Variants in RELL1 observed in about 807,000 individuals in gnomAD.
The protein encoded by RELL1 is RELT like 1.
RELL1 carries 10 observed loss-of-function variants against 23.0 expected under a neutral mutation model. The ratio of observed to expected loss-of-function variants is 0.43; its 90% CI spans 0.27 to 0.74. The LOEUF is 0.74. Ranked by LOEUF, RELL1 falls within the 30% of genes least tolerant of loss-of-function variation. RELL1 has a pLI of 0.19. For synonymous variants in RELL1, 146 were observed against 146.8 expected (o/e 0.99, Z 0.04); for missense variants, 315 against 364.4 (o/e 0.86, Z 1.10).
intron 6 of RELL1, among the ~76,000 whole-genome samples, chr4:37,604,812 C>G (rs201425983): frequency 2.9e-4 from 15 of 52,010 alleles, no homozygotes; most frequent in Middle Eastern, 0.012. Context: ...CACACACAGA[C>G]ACACACACAG....
At chr4:37,642,119 A>G (rs1352461086) in intron 3 of RELL1, among the ~76,000 whole-genome samples, 1 of 152,194 alleles carries the variant, frequency 6.6e-6, no homozygotes, top group Non-Finnish European at 1.5e-5. Context: ...ATAATGGTTC[A>G]TGGCATGTTG....
chr4:37,601,008 G>T (rs981326716), intron 6 of RELL1, among the ~76,000 whole-genome samples: 35 of 152,132 alleles, frequency 2.3e-4, no homozygotes, highest in Admixed American at 2.6e-4. Flanking sequence ...TGTCATAAAA[G>T]GGTTAAGATA....
Position 37,621,194 on chromosome 4 carries a change from C to T in RELL1, c.*4-7852G>A, listed in dbSNP as rs183585574. Among the ~76,000 whole-genome samples the T allele has an allele frequency of 2.9e-3, 440 of 152,334 alleles. 2 individuals carry two copies. Among genetic ancestry groups the T allele is most frequent in the Non-Finnish European group, 5.6e-3 (382 of 68,038 alleles). On this transcript the variant is annotated intron_variant, in intron 6 of 6. Coordinates refer to ENST00000454158, the MANE Select transcript of RELL1 (RefSeq NM_001085400.2). ...AAAATCGGCCAGGCGCGGTGGCTTACGCCTGTAATCCCAGCACTTTCGGAG... is the reference window on the plus strand; with the variant it reads ...AAAATCGGCCAGGCGCGGTGGCTTATGCCTGTAATCCCAGCACTTTCGGAG...
chr4:37,649,582 T>A (rs915831635), intron 1 of RELL1, 82 bp from the exon 2 acceptor site: 84 of 1,285,380 alleles, frequency 6.5e-5, no homozygotes, highest in Admixed American at 2.1e-4. Flanking sequence ...ATGTTCACAG[T>A]AAGTCAGGGT....
intron 3 of RELL1, among the ~76,000 whole-genome samples, chr4:37,643,804 T>A (rs2109275600): frequency 6.6e-6 from 1 of 152,270 alleles, no homozygotes; most frequent in Middle Eastern, 3.4e-3. Context: ...TGGTAAGAGA[T>A]CAAGGCTGCA....
At chr4:37,644,809 A>G (rs187365185) in intron 3 of RELL1, among the ~76,000 whole-genome samples, 135 of 152,066 alleles carry the variant, frequency 8.9e-4, no homozygotes, top group Non-Finnish European at 1.4e-3. Flanking sequence ...TCTACAAACT[A>G]CCCCAGCTAT....
At chr4:37,641,778 C>T (rs1284218609) in intron 3 of RELL1, among the ~76,000 whole-genome samples, 1 of 152,168 alleles carries the variant, frequency 6.6e-6, no homozygotes, top group Non-Finnish European at 1.5e-5. Context: ...TTCCTCACAC[C>T]TAAGGCAAAT....
At chr4:37,633,408 CAA>C (rs57256942) in intron 5 of RELL1, among the ~76,000 whole-genome samples, 3 of 63,016 alleles carry the variant, frequency 4.8e-5, no homozygotes, top group African/African-American at 4.4e-5. Context: ...GACTCCACCT[CAA>C]AAAAAAAAAA....
chr4:37,604,890 C>CACACACACACAG (rs1560323941), intron 6 of RELL1, among the ~76,000 whole-genome samples: 1 of 44,268 alleles, frequency 2.3e-5, no homozygotes. Context: ...TACACACAGA[C>CACACACACACAG]ACACACACAG....
At chr4:37,652,663 C>G (rs945052357) in intron 1 of RELL1, among the ~76,000 whole-genome samples, 1 of 152,106 alleles carries the variant, frequency 6.6e-6, no homozygotes, top group Non-Finnish European at 1.5e-5. Context: ...AGTCAAACAC[C>G]TCCCTCTGAA....
intron 6 of RELL1, among the ~76,000 whole-genome samples, chr4:37,592,173 C>G (rs945686791): frequency 3.1e-4 from 46 of 146,902 alleles, no homozygotes; most frequent in African/African-American, 1.1e-3. Context: ...CGTGCCACTG[C>G]ACTCCAGCCT....
At chr4:37,664,193 T>C (rs1414218618) in intron 1 of RELL1, among the ~76,000 whole-genome samples, 3 of 152,018 alleles carry the variant, frequency 2.0e-5, no homozygotes, top group African/African-American at 4.8e-5. Flanking sequence ...CTGGCCAACA[T>C]GGTGAAACCC....
At position 37,649,451 on chromosome 4, in the gene RELL1, C is replaced by T. The variant is rs770456658; in HGVS notation, c.138G>A (p.Ser46=). 2.7e-5 allele frequency: 44 copies of T among 1,614,022 alleles called. No homozygotes were observed. The highest frequency in any genetic ancestry group is 1.6e-4 in the Middle Eastern group (1 of 6,074). Residue 46 remains serine, a synonymous_variant, in exon 2 of 7, where the codon TCG becomes TCA. Transcript: ENST00000454158. ...TLHSRTETTP[S]PSNDTGNGHP... The stretch of plus-strand genomic sequence containing the variant: ...GTCCATTCCCAGTATCGTTGCTGGG[C>T]GACGGGGTCGTCTCTGTTCTGGAGT...
At chr4:37,627,353 G>A (rs1719988291) in intron 6 of RELL1, among the ~76,000 whole-genome samples, 1 of 152,216 alleles carries the variant, frequency 6.6e-6, no homozygotes, top group African/African-American at 2.4e-5. Flanking sequence ...CAAGGCAGTG[G>A]CATTTGGAGG....
rs1719382253 is a variant in RELL1, at chr4:37,611,679, T to A, written c.*1667A>T. Among the ~76,000 whole-genome samples the A allele has an allele frequency of 6.6e-6, 1 of 151,878 alleles. No homozygotes were observed. The highest frequency in any genetic ancestry group is 1.5e-5 in the Non-Finnish European group (1 of 68,010). Reference sequence around the variant, plus strand: ...CCCAGAGCTACCATAAATCATGTAATACTATTTATGCCTCTGGGTCCTTTC... The same window carrying A: ...CCCAGAGCTACCATAAATCATGTAAAACTATTTATGCCTCTGGGTCCTTTC... On this transcript the variant is annotated 3_prime_UTR_variant, in exon 7 of 7. Coordinates refer to ENST00000454158, the MANE Select transcript of RELL1 (RefSeq NM_001085400.2).
Position 37,624,573 on chromosome 4 carries a change from G to A in RELL1, c.*3+6812C>T, listed in dbSNP as rs568276746. On this transcript the variant is annotated intron_variant, in intron 6 of 6. Coordinates refer to ENST00000454158, the MANE Select transcript of RELL1 (RefSeq NM_001085400.2). The stretch of plus-strand genomic sequence containing the variant: ...AGAGTAGCTGGGACTACAGGCACCC[G>A]CCACCACGCCCGGCTAATTTTTTTT... 6.1e-3 allele frequency among the ~76,000 whole-genome samples: 925 copies of A among 151,400 alleles called. 8 individuals are homozygous for A. The highest frequency in any genetic ancestry group is 0.021 in the African/African-American group (868 of 41,266).
chr4:37,590,861 C>T (rs367961468), exon 7 of RELL1: 1 of 1,614,060 alleles, frequency 6.2e-7, no homozygotes. Flanking sequence ...GTGGTTGACT[C>T]AGGAAACAGG....
In RELL1 at chr4:37,666,362, C is replaced by T. The variant is rs117802718; in HGVS notation, c.89-16862G>A. Among the ~76,000 whole-genome samples the T allele has an allele frequency of 3.1e-4, 47 of 152,302 alleles. No homozygotes were observed. In the East Asian group the frequency reaches 5.4e-3, roughly 17 times the overall value. ...AAGCAGAAACTGGCTTTTTTCTTGGCTGCACTGTGTTCAATTTGTTTCCTA... is the reference window on the plus strand; with the variant it reads ...AAGCAGAAACTGGCTTTTTTCTTGGTTGCACTGTGTTCAATTTGTTTCCTA... On this transcript the variant is annotated intron_variant, in intron 1 of 6. Transcript: ENST00000454158.
chr4:37,599,614 CT>C (rs888423012), intron 6 of RELL1, among the ~76,000 whole-genome samples: 1 of 152,162 alleles, frequency 6.6e-6, no homozygotes, highest in Non-Finnish European at 1.5e-5. Flanking sequence ...TACTACAGGA[CT>C]TTTGGTGACA....
Sources: gnomAD v4.1 joint callset for allele counts (sites outside exome capture counted in the v4.1 genomes callset) on GRCh38, gnomAD v4.1.1 for gene constraint, MANE v1.5 for transcripts, NCBI Gene and HGNC (gene_info 2026-07-23, HGNC 2026-07-21) for gene names.